Variants in BCO2 observed in about 807,000 individuals in gnomAD.
BCO2 encodes carotenoid-cleaving dioxygenase, mitochondrial.
BCO2 carries 56 observed loss-of-function variants against 65.8 expected under a neutral mutation model. That is an observed-to-expected ratio of 0.85 (90% CI 0.69 to 1.06). BCO2 has a LOEUF of 1.06. Ranked by LOEUF, BCO2 falls within the 50% of genes least tolerant of loss-of-function variation. The probability of loss-of-function intolerance (pLI) is 0.00; values close to 1 mark genes in which losing one functional copy is unlikely to be tolerated. For synonymous variants in BCO2, 233 were observed against 242.3 expected, an observed-to-expected ratio of 0.96 and a Z score of 0.36; for missense variants, 675 against 698.5, an observed-to-expected ratio of 0.97 and a Z score of 0.38.
intron 8 of BCO2, chr11:112,208,600 G>T: frequency 4.3e-6 from 1 of 230,478 alleles, no homozygotes; most frequent in Non-Finnish European, 8.6e-6. Flanking sequence ...CGGGGGTCAT[G>T]ATGGGCAGCA....
At chr11:112,205,180 C>T (rs987887609) in intron 8 of BCO2, among the ~76,000 whole-genome samples, 7 of 152,160 alleles carry the variant, frequency 4.6e-5, no homozygotes, top group African/African-American at 1.2e-4. Flanking sequence ...TACCCCACTC[C>T]GTGTTGTTCA....
In BCO2 at chr11:112,214,752, T is replaced by C; in HGVS notation, c.1333-10T>C. 1.2e-6 allele frequency: 2 copies of C among 1,608,290 alleles called. No individual in the cohort carries two copies. Among genetic ancestry groups the C allele is most frequent in the Non-Finnish European group, 1.7e-6 (2 of 1,175,866 alleles). On this transcript the variant is annotated splice_polypyrimidine_tract_variant and intron_variant, in intron 9 of 11. Coordinates refer to ENST00000357685, the MANE Select transcript of BCO2 (RefSeq NM_031938.7). ...GCAACCACTACAAATCCTTTTGAAA[T>C]CTCTTTTAGATCTGGTGCTCTCATG...
chr11:112,186,222 G>A (rs1252593303), intron 2 of BCO2, among the ~76,000 whole-genome samples: 2 of 152,178 alleles, frequency 1.3e-5, no homozygotes, highest in Admixed American at 1.3e-4. Context: ...AGGAGAGGCT[G>A]TAATGTATTG....
At position 112,214,955 on chromosome 11, in the gene BCO2, ACT is replaced by A. The variant is rs757277688; in HGVS notation, c.1515+14_1515+15del. ...AATAAGACACTGAAGGTGATGAAAA[ACT>A]CTTTCCTTTTTGAACTTTTCAGAGA... On this transcript the variant is annotated intron_variant, in intron 10 of 11. Coordinates refer to ENST00000357685, the MANE Select transcript of BCO2 (RefSeq NM_031938.7). 2.3e-5 allele frequency: 37 copies of A among 1,612,462 alleles called. No homozygotes were observed. In the Admixed American group the frequency reaches 6.0e-4, roughly 26 times the overall value.
chr11:112,210,523 C>T (rs1029819348), intron 8 of BCO2, among the ~76,000 whole-genome samples: 17 of 152,196 alleles, frequency 1.1e-4, no homozygotes, highest in Admixed American at 9.8e-4. Context: ...TAGAGGTTTA[C>T]TAGGCCTTCC....
intron 8 of BCO2, 83 bp from the exon 9 acceptor site, chr11:112,213,641 A>G (rs1859574349): frequency 3.0e-6 from 4 of 1,316,180 alleles, no homozygotes; most frequent in Admixed American, 1.9e-5. Flanking sequence ...AGGAATGCCA[A>G]TGATGTTGAC....
chr11:112,209,675 A>G (rs1047661269), intron 8 of BCO2, among the ~76,000 whole-genome samples: 2 of 152,164 alleles, frequency 1.3e-5, no homozygotes, highest in African/African-American at 4.8e-5. Context: ...CACTATTGAG[A>G]TAATCATATA....
intron 8 of BCO2, among the ~76,000 whole-genome samples, chr11:112,209,742 ATG>A (rs1859455887): frequency 6.6e-6 from 1 of 152,202 alleles, no homozygotes; most frequent in Non-Finnish European, 1.5e-5. Context: ...TCTTTAAAAA[ATG>A]TTCATAACAG....
chr11:112,205,492 G>A (rs1867843144), intron 8 of BCO2, among the ~76,000 whole-genome samples: 1 of 152,114 alleles, frequency 6.6e-6, no homozygotes, highest in African/African-American at 2.4e-5. Context: ...ATCTCACTCT[G>A]TTGCCCAGGC....
At chr11:112,215,977 C>T (rs1022571660) in intron 10 of BCO2, 8 of 443,510 alleles carry the variant, frequency 1.8e-5, no homozygotes, top group East Asian at 7.4e-5. Context: ...ACTAATAGAG[C>T]GAGAGCTCAC....
chr11:112,179,637 G>T (rs1273859895), intron 2 of BCO2, 155 bp downstream of exon 2: 17 of 712,138 alleles, frequency 2.4e-5, no homozygotes, highest in Non-Finnish European at 3.7e-5. Flanking sequence ...GAAGAAAGGA[G>T]ACTTTTTAAA....
chr11:112,199,208 G>A (rs936166083), intron 5 of BCO2, among the ~76,000 whole-genome samples: 6 of 152,136 alleles, frequency 3.9e-5, no homozygotes, highest in African/African-American at 1.4e-4. Context: ...AACATGCGGT[G>A]TTTGGTTTTC....
chr11:112,182,103 CTCA>C (rs765335526), intron 2 of BCO2, among the ~76,000 whole-genome samples: 1 of 152,154 alleles, frequency 6.6e-6, no homozygotes, highest in Admixed American at 6.6e-5. Flanking sequence ...TGAAAAAATG[CTCA>C]TCATCACTGG....
rs71060229 is a variant in BCO2 at position 112,192,925 on chromosome 11, GTTT to G, written c.294-533_294-531del. Among the ~76,000 whole-genome samples, 49 of 36,670 alleles carry G rather than the reference GTTT, an allele frequency of 1.3e-3. 1 individual carries two copies. The highest frequency in any genetic ancestry group is 4.6e-3 in the South Asian group (3 of 646). 24.1% of individuals were successfully genotyped at this position (36,670 alleles called of 152,430 possible). ...CAATAGGGGTTTTCTAAAATGTGAG[GTTT>G]TTTTTTTTTTTTTTTGACAGGGGTA... On this transcript the variant is annotated intron_variant, in intron 2 of 11. Coordinates refer to ENST00000357685, the MANE Select transcript of BCO2 (RefSeq NM_031938.7).
At chr11:112,180,728 G>C (rs1867016888) in intron 2 of BCO2, 2 of 812,456 alleles carry the variant, frequency 2.5e-6, no homozygotes, top group Admixed American at 1.7e-5. Flanking sequence ...AGGAGGACCA[G>C]GTGGGAGGGT....
At chr11:112,201,613 CA>C (rs1158979471) in intron 7 of BCO2, among the ~76,000 whole-genome samples, 1 of 150,988 alleles carries the variant, frequency 6.6e-6, no homozygotes, top group African/African-American at 2.4e-5. Context: ...GATCTCATTA[CA>C]AAAAAAAATT....
chr11:112,184,740 C>T (rs1007006286), intron 2 of BCO2, among the ~76,000 whole-genome samples: 8 of 151,448 alleles, frequency 5.3e-5, no homozygotes, highest in Admixed American at 1.3e-4. Context: ...CATTATCTTT[C>T]TGCAGCAGCA....
chr11:112,177,227 C>T (rs1402957240), intron 1 of BCO2, among the ~76,000 whole-genome samples: 1 of 152,088 alleles, frequency 6.6e-6, no homozygotes, highest in African/African-American at 2.4e-5. Context: ...ACATAAATAC[C>T]TGAGAGTTTC....
chr11:112,178,183 G>A (rs1208865241), intron 1 of BCO2, among the ~76,000 whole-genome samples: 1 of 151,772 alleles, frequency 6.6e-6, no homozygotes, highest in Admixed American at 6.6e-5. Context: ...CCAAAGTGCT[G>A]GGATTACAGA....
Sources: allele counts gnomAD v4.1 joint callset (sites outside exome capture counted in the v4.1 genomes callset), GRCh38; gene constraint gnomAD v4.1.1; transcripts MANE v1.5; gene names NCBI Gene and HGNC (gene_info 2026-07-23, HGNC 2026-07-21).